UGT1A4: variants seen among roughly 807,000 people sequenced by gnomAD.
UGT1A4 encodes the protein UDP glucuronosyltransferase family 1 member A4, also known as UDP-glucuronosyltransferase 1A4.
Under a neutral mutation model 41.1 loss-of-function variants are expected in UGT1A4, and 32 were observed. That is an observed-to-expected ratio of 0.78 (90% CI 0.59 to 1.05). UGT1A4 has a LOEUF of 1.05. Ranked by LOEUF, UGT1A4 falls within the 50% of genes least tolerant of loss-of-function variation. The pLI is 0.00. For synonymous variants in UGT1A4, 283 were observed against 265.1 expected (o/e 1.07, Z -0.66); for missense variants, 748 against 677.4 (o/e 1.10, Z -1.16).
At chr2:233,764,552 G>A (rs1387908555) in intron 1 of UGT1A4, among the ~76,000 whole-genome samples, 1 of 152,132 alleles carries the variant, frequency 6.6e-6, no homozygotes, top group East Asian at 1.9e-4. Flanking sequence ...CGTGTGGGAG[G>A]GTGTGCCTGG....
At chr2:233,745,938 G>A (rs1693254361) in intron 1 of UGT1A4, among the ~76,000 whole-genome samples, 1 of 151,696 alleles carries the variant, frequency 6.6e-6, no homozygotes, top group East Asian at 1.9e-4. Flanking sequence ...GGGACAGCTG[G>A]GGGTTGGGCA....
At chr2:233,720,751 G>C (rs2076887751) in intron 1 of UGT1A4, among the ~76,000 whole-genome samples, 1 of 150,928 alleles carries the variant, frequency 6.6e-6, no homozygotes, top group African/African-American at 2.4e-5. Context: ...TGTCGCCCAG[G>C]CTGGAGGGCA....
At position 233,748,684 on chromosome 2, in the gene UGT1A4, A is replaced by C. The variant is rs576819549; in HGVS notation, c.868-18350A>C. On this transcript the variant is annotated intron_variant, in intron 1 of 4. Transcript: ENST00000373409. ...TCCAGAGAGGGATCTGTGCTGACAA[A>C]AGATTTTTCTGGTCAGGATTTGGGG... Among the ~76,000 whole-genome samples, 46 of 151,796 alleles carry C rather than the reference A, an allele frequency of 3.0e-4. 1 individual carries two copies. Among genetic ancestry groups the C allele is most frequent in the Non-Finnish European group, 4.4e-4 (30 of 68,030 alleles).
intron 1 of UGT1A4, chr2:233,748,082 C>T (rs1013967791): frequency 1.5e-5 from 25 of 1,612,926 alleles, no homozygotes; most frequent in East Asian, 6.7e-5. Context: ...TATCTCAGGT[C>T]GGTGTTCGTG....
intron 1 of UGT1A4, among the ~76,000 whole-genome samples, chr2:233,762,717 G>GTT (rs34681509): frequency 7.1e-6 from 1 of 141,156 alleles, no homozygotes; most frequent in African/African-American, 2.6e-5. Context: ...ATTTTACACG[G>GTT]TTTTTTTTTT....
chr2:233,768,023 G>A, intron 3 of UGT1A4, 87 bp downstream of exon 3: 1 of 1,613,460 alleles, frequency 6.2e-7, no homozygotes, highest in Non-Finnish European at 8.5e-7. Flanking sequence ...GGATTGTTGA[G>A]CTTGAAAATA....
At chr2:233,738,545 C>T (rs1690821888) in intron 1 of UGT1A4, among the ~76,000 whole-genome samples, 1 of 152,164 alleles carries the variant, frequency 6.6e-6, no homozygotes, top group South Asian at 2.1e-4. Flanking sequence ...GGCTGAGTCT[C>T]AGATAGAGAT....
At chr2:233,761,290 C>T in intron 1 of UGT1A4, 1 of 1,537,354 alleles carries the variant, frequency 6.5e-7, no homozygotes, top group Non-Finnish European at 8.8e-7. Context: ...TTTTTGACTC[C>T]TAGGTTTGAG....
At chr2:233,729,778 C>T in intron 1 of UGT1A4, 1 of 1,614,010 alleles carries the variant, frequency 6.2e-7, no homozygotes, top group Non-Finnish European at 8.5e-7. Flanking sequence ...GCTCTACCCT[C>T]TGGCCCTGTC....
chr2:233,722,033 A>T (rs915638296), intron 1 of UGT1A4: 1 of 246,466 alleles, frequency 4.1e-6, no homozygotes, highest in Non-Finnish European at 8.1e-6. Flanking sequence ...CTTGAATTGC[A>T]TGATTTTGTG....
intron 1 of UGT1A4, among the ~76,000 whole-genome samples, chr2:233,744,958 A>C (rs996624362): frequency 2.6e-5 from 4 of 151,980 alleles, no homozygotes; most frequent in African/African-American, 4.9e-5. Context: ...ATAACCTACC[A>C]ATATCCTTCT....
chr2:233,760,870 A>G lies in UGT1A4; in HGVS notation c.868-6164A>G, dbSNP rs761998591. Reference sequence around the variant, plus strand: ...CCCCAACCCATTCTCCTACGTGCCCAGGCCTCTCTCCTCTCATTCAGATCA... The same window carrying G: ...CCCCAACCCATTCTCCTACGTGCCCGGGCCTCTCTCCTCTCATTCAGATCA... On this transcript the variant is annotated intron_variant, in intron 1 of 4. Transcript: ENST00000373409. 2.5e-6 allele frequency: 4 copies of G among 1,614,048 alleles called. No individual in the cohort carries two copies. Among genetic ancestry groups the G allele is most frequent in the Admixed American group, 3.3e-5 (2 of 60,002 alleles).
At chr2:233,723,454 C>T (rs1160822962) in intron 1 of UGT1A4, among the ~76,000 whole-genome samples, 1 of 139,308 alleles carries the variant, frequency 7.2e-6, no homozygotes, top group African/African-American at 2.8e-5. Context: ...AGGTGATCCA[C>T]CCGCCTCAGC....
intron 1 of UGT1A4, among the ~76,000 whole-genome samples, chr2:233,735,310 TA>T (rs978223857): frequency 8.5e-5 from 13 of 152,318 alleles, no homozygotes; most frequent in African/African-American, 2.2e-4. Flanking sequence ...AAGTCTGTTT[TA>T]TCAGAGACTA....
chr2:233,745,507 G>A (rs1198591343), intron 1 of UGT1A4, among the ~76,000 whole-genome samples: 1 of 151,594 alleles, frequency 6.6e-6, no homozygotes, highest in African/African-American at 2.4e-5. Flanking sequence ...TTCCTATAGG[G>A]TATTAGGTCT....
intron 1 of UGT1A4, among the ~76,000 whole-genome samples, chr2:233,724,945 C>G (rs1463938035): frequency 1.4e-5 from 2 of 144,514 alleles, no homozygotes; most frequent in African/African-American, 5.3e-5. Context: ...GTCTGCAATC[C>G]CGGCACCTCG....
At chr2:233,721,050 TG>T (rs1173699301) in intron 1 of UGT1A4, among the ~76,000 whole-genome samples, 91 of 152,238 alleles carry the variant, frequency 6.0e-4, no homozygotes, top group Non-Finnish European at 3.1e-4. Context: ...AGCCCTTTTT[TG>T]TCATATTCAC....
intron 1 of UGT1A4, among the ~76,000 whole-genome samples, chr2:233,752,870 C>T (rs896364354): frequency 6.6e-6 from 1 of 152,212 alleles, no homozygotes; most frequent in Non-Finnish European, 1.5e-5. Flanking sequence ...TGTTAGCTTT[C>T]AACTGTTAAA....
At chr2:233,768,145 T>C in intron 3 of UGT1A4, 75 bp from the exon 4 acceptor site, 1 of 1,611,332 alleles carries the variant, frequency 6.2e-7, no homozygotes, top group Non-Finnish European at 8.5e-7. Flanking sequence ...TTTGGAGTGT[T>C]TTCAGAACCT....
Sources: gnomAD v4.1 joint callset for allele counts (sites outside exome capture counted in the v4.1 genomes callset) on GRCh38, gnomAD v4.1.1 for gene constraint, MANE v1.5 for transcripts, NCBI Gene and HGNC (gene_info 2026-07-23, HGNC 2026-07-21) for gene names.